TOM1L2: variants seen among roughly 807,000 people sequenced by gnomAD.
TOM1L2 encodes target of myb1 like 2 membrane trafficking protein.
TOM1L2 carries 31 observed loss-of-function variants against 67.9 expected under a neutral mutation model. That is an observed-to-expected ratio of 0.46 (90% CI 0.34 to 0.62). The LOEUF (loss-of-function observed/expected upper bound fraction) is 0.62, where lower values mean the gene tolerates loss of function less well. Ranked by LOEUF, TOM1L2 falls within the 20% of genes least tolerant of loss-of-function variation. The pLI is 0.01. For synonymous variants in TOM1L2, 256 were observed against 254.0 expected (o/e 1.01, Z -0.07); for missense variants, 606 against 663.5 (o/e 0.91, Z 0.95).
At chr17:17,855,941 G>A (rs1036492247) in intron 12 of TOM1L2, among the ~76,000 whole-genome samples, 2 of 147,978 alleles carry the variant, frequency 1.4e-5, no homozygotes, top group East Asian at 1.9e-4. Flanking sequence ...ATAAGGCAAA[G>A]CAATTAATAT....
chr17:17,884,482 C>T lies in TOM1L2; in HGVS notation c.501+152G>A, dbSNP rs1354656846. 7 of 983,616 alleles carry T rather than the reference C, an allele frequency of 7.1e-6. No homozygotes were observed. In the African/African-American group the frequency reaches 9.8e-5, roughly 14 times the overall value. 60.9% of individuals were successfully genotyped at this position (983,616 alleles called of 1,614,324 possible). On this transcript the variant is annotated intron_variant, in intron 5 of 14. Transcript: ENST00000379504. Reference sequence around the variant, plus strand: ...CAACCAGCTGTCTCACTCCTGCATGCCCCTTGTTATTAAAAAGGAATGCCC... The same window carrying T: ...CAACCAGCTGTCTCACTCCTGCATGTCCCTTGTTATTAAAAAGGAATGCCC...
intron 10 of TOM1L2, among the ~76,000 whole-genome samples, chr17:17,863,878 T>C (rs1462343694): frequency 6.6e-6 from 1 of 152,070 alleles, no homozygotes. Flanking sequence ...TGTTGTTGTT[T>C]TGTTTGAGAC....
intron 1 of TOM1L2, among the ~76,000 whole-genome samples, chr17:17,945,610 T>C (rs1046635045): frequency 6.6e-6 from 1 of 152,320 alleles, no homozygotes; most frequent in Admixed American, 6.5e-5. Context: ...CTTCTCTCTA[T>C]TTACAGCCTA....
chr17:17,895,036 C>T (rs555254628), intron 3 of TOM1L2, among the ~76,000 whole-genome samples: 12 of 152,088 alleles, frequency 7.9e-5, no homozygotes, highest in Non-Finnish European at 1.5e-4. Flanking sequence ...AGGGGAGGTG[C>T]CCAATAACTG....
chr17:17,898,195 A>T (rs1022601907), intron 3 of TOM1L2, among the ~76,000 whole-genome samples: 1 of 152,128 alleles, frequency 6.6e-6, no homozygotes, highest in East Asian at 1.9e-4. Context: ...AAGTGCTGGG[A>T]TTACAGGTGT....
chr17:17,942,298 G>A (rs750563948), intron 1 of TOM1L2, among the ~76,000 whole-genome samples: 4 of 152,164 alleles, frequency 2.6e-5, no homozygotes, highest in Non-Finnish European at 4.4e-5. Context: ...ATAAATAGCA[G>A]TAATAAGGAT....
chr17:17,866,867 A>C lies in TOM1L2; in HGVS notation c.960+9T>G. ...TCAGGAGATGACAGGATTCTGAAGG[A>C]ATACTTACTCCATTACTGGCATTTT... On this transcript the variant is annotated intron_variant, in intron 9 of 14. Coordinates refer to ENST00000379504, the MANE Select transcript of TOM1L2 (RefSeq NM_001082968.2). 1 of 1,613,762 alleles carries C rather than the reference A, an allele frequency of 6.2e-7. No homozygotes were observed. The highest frequency in any genetic ancestry group is 1.3e-5 in the African/African-American group (1 of 75,030).
At chr17:17,897,660 C>A (rs1263720415) in intron 3 of TOM1L2, among the ~76,000 whole-genome samples, 1 of 152,178 alleles carries the variant, frequency 6.6e-6, no homozygotes, top group African/African-American at 2.4e-5. Context: ...ACTTGGCTGA[C>A]TTTTTCAAGA....
At chr17:17,937,829 G>A (rs2040570580) in intron 1 of TOM1L2, among the ~76,000 whole-genome samples, 1 of 152,188 alleles carries the variant, frequency 6.6e-6, no homozygotes, top group Admixed American at 6.5e-5. Context: ...CATGTGGAAA[G>A]GTTAGCACTC....
chr17:17,894,703 G>T (rs1338908343), intron 3 of TOM1L2, among the ~76,000 whole-genome samples: 1 of 152,242 alleles, frequency 6.6e-6, no homozygotes, highest in Non-Finnish European at 1.5e-5. Context: ...GGCCGAGGCA[G>T]GTGGATCACC....
rs546143422 is a variant in TOM1L2, at chr17:17,934,539, G to C, written c.53-27008C>G. On this transcript the variant is annotated intron_variant, in intron 1 of 14. Transcript: ENST00000379504. ...TACGGTAACAATGGCAAACATCTTA[G>C]TAGTGAGAGTAATTATGTCTTACTG... 9.2e-5 allele frequency among the ~76,000 whole-genome samples: 14 copies of C among 152,320 alleles called. No individual in the cohort carries two copies. In the South Asian group the frequency reaches 1.4e-3, roughly 16 times the overall value.
chr17:17,959,001 G>A (rs2144996011), intron 1 of TOM1L2, among the ~76,000 whole-genome samples: 1 of 152,328 alleles, frequency 6.6e-6, no homozygotes, highest in East Asian at 1.9e-4. Flanking sequence ...AAGGTGCTGG[G>A]AGGCTGGCAC....
At chr17:17,870,229 C>A (rs1265668240) in intron 7 of TOM1L2, among the ~76,000 whole-genome samples, 1 of 152,162 alleles carries the variant, frequency 6.6e-6, no homozygotes, top group Non-Finnish European at 1.5e-5. Flanking sequence ...CCCGGTTGCC[C>A]CTGGAGCCCT....
At chr17:17,964,996 C>T (rs2041824471) in intron 1 of TOM1L2, among the ~76,000 whole-genome samples, 1 of 152,192 alleles carries the variant, frequency 6.6e-6, no homozygotes, top group African/African-American at 2.4e-5. Context: ...CTTCTCAATG[C>T]TCCATCAACC....
chr17:17,962,029 T>C (rs576806965), intron 1 of TOM1L2, among the ~76,000 whole-genome samples: 1 of 152,202 alleles, frequency 6.6e-6, no homozygotes, highest in South Asian at 2.1e-4. Context: ...AATGGAATAT[T>C]ATACAGCCTT....
intron 2 of TOM1L2, among the ~76,000 whole-genome samples, chr17:17,900,031 G>A (rs1466121753): frequency 6.6e-6 from 1 of 152,156 alleles, no homozygotes. Flanking sequence ...GGCCAACATG[G>A]TGAAACCCCG....
intron 1 of TOM1L2, among the ~76,000 whole-genome samples, chr17:17,926,428 A>T (rs2040087228): frequency 6.6e-6 from 1 of 152,188 alleles, no homozygotes; most frequent in South Asian, 2.1e-4. Flanking sequence ...GGAGATGCGG[A>T]CATAAATGTA....
chr17:17,890,822 T>C (rs1274742163), intron 4 of TOM1L2, among the ~76,000 whole-genome samples: 1 of 152,194 alleles, frequency 6.6e-6, no homozygotes, highest in Admixed American at 6.5e-5. Flanking sequence ...TACACTTTTA[T>C]GTGTGATTTC....
At chr17:17,912,810 G>C (rs1283391550) in intron 1 of TOM1L2, among the ~76,000 whole-genome samples, 2 of 152,090 alleles carry the variant, frequency 1.3e-5, no homozygotes, top group East Asian at 3.9e-4. Flanking sequence ...CTGCAATCTC[G>C]GCACTTTGGG....
Sources: allele counts gnomAD v4.1 joint callset (sites outside exome capture counted in the v4.1 genomes callset), GRCh38; gene constraint gnomAD v4.1.1; transcripts MANE v1.5; gene names NCBI Gene and HGNC (gene_info 2026-07-23, HGNC 2026-07-21).